ATP10B: variants seen among roughly 807,000 people sequenced by gnomAD.
ATP10B encodes phospholipid-transporting ATPase VB.
In ATP10B, 122 loss-of-function variants were observed where a neutral mutation model predicts 141.2. The observed-to-expected ratio is 0.86, with a 90% CI of 0.75 to 1.00. ATP10B has a LOEUF of 1.00. ATP10B is among the 50% of genes least tolerant of loss of function. The pLI, the probability that ATP10B is intolerant of heterozygous loss-of-function variation, is 0.00. For synonymous variants in ATP10B, 685 were observed against 692.0 expected, an observed-to-expected ratio of 0.99 and a Z score of 0.16; for missense variants, 1,876 against 1,825.3, an observed-to-expected ratio of 1.03 and a Z score of -0.51.
chr5:160,868,122 C>T, the ATP10B span, among the ~76,000 whole-genome samples: 1 of 152,116 alleles, frequency 6.6e-6, no homozygotes, highest in Non-Finnish European at 1.5e-5. Context: ...CCATGTGAAG[C>T]TCCGGTACAA....
intron 8 of ATP10B, among the ~76,000 whole-genome samples, chr5:160,646,935 C>CTG (rs1297749934): frequency 6.6e-6 from 1 of 152,146 alleles, no homozygotes; most frequent in African/African-American, 2.4e-5. Context: ...GGGGGCTGTC[C>CTG]TGTGCATTGT....
chr5:160,751,284 TC>T (rs1768136056), intron 2 of ATP10B, among the ~76,000 whole-genome samples: 1 of 152,094 alleles, frequency 6.6e-6, no homozygotes, highest in Non-Finnish European at 1.5e-5. Context: ...GGCTCATTGC[TC>T]CCCCTTTTTC....
intron 2 of ATP10B, among the ~76,000 whole-genome samples, chr5:160,773,448 C>T (rs1335046309): frequency 6.6e-6 from 1 of 152,062 alleles, no homozygotes; most frequent in Non-Finnish European, 1.5e-5. Flanking sequence ...ACTGTCTTGG[C>T]GAGGTGGTTT....
chr5:160,771,114 A>C (rs1294421330), intron 2 of ATP10B, among the ~76,000 whole-genome samples: 4 of 152,210 alleles, frequency 2.6e-5, no homozygotes, highest in Admixed American at 2.0e-4. Flanking sequence ...TACCCTCAGA[A>C]GTATGCACAG....
chr5:160,575,046 T>G (rs1755108530), intron 24 of ATP10B, among the ~76,000 whole-genome samples: 1 of 152,186 alleles, frequency 6.6e-6, no homozygotes, highest in Non-Finnish European at 1.5e-5. Flanking sequence ...AAAATTGATA[T>G]AATAGAGATT....
At chr5:160,823,508 A>C (rs1774334736) in intron 1 of ATP10B, among the ~76,000 whole-genome samples, 1 of 152,180 alleles carries the variant, frequency 6.6e-6, no homozygotes, top group Non-Finnish European at 1.5e-5. Flanking sequence ...CTATGTAACA[A>C]ACTTGCACGT....
chr5:160,878,767 CA>C, the ATP10B span, among the ~76,000 whole-genome samples: 1 of 151,898 alleles, frequency 6.6e-6, no homozygotes, highest in African/African-American at 2.4e-5. Flanking sequence ...TTTATGCAGC[CA>C]AAAAACACAT....
chr5:160,835,563 AG>A (rs974761166), intron 1 of ATP10B, among the ~76,000 whole-genome samples: 1 of 152,124 alleles, frequency 6.6e-6, no homozygotes, highest in African/African-American at 2.4e-5. Context: ...CTCTCACCTC[AG>A]GGGTTAAGGA....
chr5:160,686,008 C>T (rs1763726811), intron 6 of ATP10B, 71 bp downstream of exon 6: 1 of 1,148,612 alleles, frequency 8.7e-7, no homozygotes. Flanking sequence ...AAAAGAGACT[C>T]ATCCTGAGGC....
intron 2 of ATP10B, among the ~76,000 whole-genome samples, chr5:160,742,932 T>C (rs1432786): frequency 0.58 from 88,603 of 152,016 alleles, 26,481 homozygotes; most frequent in African/African-American, 0.7. Context: ...TGCATGAAGG[T>C]GTTACCTCCA....
At chr5:160,850,298 C>A (rs1358691015) in intron 1 of ATP10B, among the ~76,000 whole-genome samples, 1 of 152,054 alleles carries the variant, frequency 6.6e-6, no homozygotes, top group Non-Finnish European at 1.5e-5. Context: ...GTGGTGCATG[C>A]CTGTAATCCT....
chr5:160,698,306 T>C (rs1764486295), intron 3 of ATP10B, among the ~76,000 whole-genome samples: 1 of 152,162 alleles, frequency 6.6e-6, no homozygotes, highest in African/African-American at 2.4e-5. Context: ...TTAAGTTTTA[T>C]CCATTTTTTC....
rs577101172 is a variant in ATP10B, at chr5:160,785,437, T to C, written c.-331+122A>G. 9.5e-4 allele frequency: 315 copies of C among 330,796 alleles called. 3 individuals carry two copies. The highest frequency in any genetic ancestry group is 7.2e-3 in the African/African-American group (306 of 42,464). 20.5% of individuals were successfully genotyped at this position (330,796 alleles called of 1,614,324 possible). A position where few individuals can be genotyped will look rare whatever the true frequency, so the allele number is the denominator to read the frequency against. On this transcript the variant is annotated intron_variant, in intron 2 of 25. Coordinates refer to ENST00000327245, the MANE Select transcript of ATP10B (RefSeq NM_025153.3). ...GCGGTGGTGTTTTTTTTGTTCTGTT[T>C]TGTTTTGTTTTTTTAATTTAGACTC...
At chr5:160,662,826 C>A (rs907656193) in intron 7 of ATP10B, among the ~76,000 whole-genome samples, 1 of 152,192 alleles carries the variant, frequency 6.6e-6, no homozygotes, top group Non-Finnish European at 1.5e-5. Context: ...AGCTTCTGCA[C>A]AGCAAAAGAA....
At chr5:160,772,582 G>A (rs962683223) in intron 2 of ATP10B, among the ~76,000 whole-genome samples, 2 of 152,198 alleles carry the variant, frequency 1.3e-5, no homozygotes, top group Admixed American at 6.5e-5. Context: ...TCAGGCATTA[G>A]ATTCTTGTAA....
In ATP10B at chr5:160,766,894, C is replaced by T. The variant is rs559624376; in HGVS notation, c.-331+18665G>A. Among the ~76,000 whole-genome samples the T allele has an allele frequency of 3.9e-5, 6 of 152,286 alleles. No individual in the cohort carries two copies. The South Asian group carries it at 1.2e-3, about 32-fold the overall frequency. On this transcript the variant is annotated intron_variant, in intron 2 of 25. Transcript: ENST00000327245. ...GGGCACAATGGTGCTATTTCACACA[C>T]ACAGCTTCACCTAGATCATGGTCAA...
At chr5:160,889,959 C>A in the ATP10B span, among the ~76,000 whole-genome samples, 2 of 152,110 alleles carry the variant, frequency 1.3e-5, no homozygotes, top group Non-Finnish European at 1.5e-5. Context: ...AATCTTGATC[C>A]CTCTCCTCCT....
chr5:160,915,403 C>T, the ATP10B span, among the ~76,000 whole-genome samples: 12 of 150,790 alleles, frequency 8.0e-5, no homozygotes, highest in African/African-American at 2.9e-4. Flanking sequence ...GTGATCTCGG[C>T]TCACTGCAAC....
At chr5:160,598,133 A>G (rs963434847) in intron 22 of ATP10B, among the ~76,000 whole-genome samples, 25 of 150,658 alleles carry the variant, frequency 1.7e-4, no homozygotes, top group Non-Finnish European at 3.4e-4. Context: ...ACTTGGAACC[A>G]ACCCAAATGT....
Sources: allele counts gnomAD v4.1 joint callset (sites outside exome capture counted in the v4.1 genomes callset), GRCh38; gene constraint gnomAD v4.1.1; transcripts MANE v1.5; gene names NCBI Gene and HGNC (gene_info 2026-07-23, HGNC 2026-07-21).